The following RPS6KC1 variants were observed in gnomAD, a reference collection of about 807,000 sequenced individuals.
RPS6KC1 encodes ribosomal protein S6 kinase C1, also known as inactive ribosomal protein S6 kinase delta-1.
Under a neutral mutation model 103.8 loss-of-function variants are expected in RPS6KC1, and 54 were observed. That is an observed-to-expected ratio of 0.52 (90% CI 0.42 to 0.65). The LOEUF (loss-of-function observed/expected upper bound fraction) is 0.65, where lower values mean the gene tolerates loss of function less well. Among genes scored for constraint, RPS6KC1 ranks in the 30% least tolerant of loss-of-function variants. The pLI, the probability that RPS6KC1 is intolerant of heterozygous loss-of-function variation, is 0.00. For missense variants in RPS6KC1, 1,151 were observed against 1,253.8 expected, an observed-to-expected ratio of 0.92 and a Z score of 1.24; for synonymous variants, 439 against 438.7, an observed-to-expected ratio of 1.00 and a Z score of -0.01.
the RPS6KC1 span, among the ~76,000 whole-genome samples, chr1:213,796,504 A>G: frequency 6.6e-6 from 1 of 152,168 alleles, no homozygotes; most frequent in Non-Finnish European, 1.5e-5. Context: ...CTCAGTCAGC[A>G]CACAGCCCCA....
At chr1:213,433,645 C>T in the RPS6KC1 span, among the ~76,000 whole-genome samples, 1 of 152,190 alleles carries the variant, frequency 6.6e-6, no homozygotes, top group Non-Finnish European at 1.5e-5. Context: ...ACTTGGTTTT[C>T]TGTGTTTTTG....
At chr1:213,675,107 T>C in the RPS6KC1 span, among the ~76,000 whole-genome samples, 2 of 152,244 alleles carry the variant, frequency 1.3e-5, no homozygotes, top group Non-Finnish European at 2.9e-5. Context: ...ACTCTGTTGA[T>C]AGTTACTTTC....
chr1:213,320,661 C>A, the RPS6KC1 span, among the ~76,000 whole-genome samples: 1 of 152,200 alleles, frequency 6.6e-6, no homozygotes, highest in South Asian at 2.1e-4. Context: ...AAGGGGATTC[C>A]TTTTCTTCTC....
At chr1:213,711,093 T>C in the RPS6KC1 span, among the ~76,000 whole-genome samples, 2 of 152,232 alleles carry the variant, frequency 1.3e-5, no homozygotes, top group African/African-American at 4.8e-5. Context: ...TTCTCCTGGA[T>C]AATATCCCAA....
At chr1:213,750,804 T>C in the RPS6KC1 span, among the ~76,000 whole-genome samples, 1 of 152,190 alleles carries the variant, frequency 6.6e-6, no homozygotes, top group Non-Finnish European at 1.5e-5. Flanking sequence ...GTTCCAGCCC[T>C]CTGCCCCCAA....
the RPS6KC1 span, among the ~76,000 whole-genome samples, chr1:213,711,027 G>A: frequency 6.6e-6 from 1 of 152,196 alleles, no homozygotes; most frequent in South Asian, 2.1e-4. Flanking sequence ...TATCTTTGTG[G>A]TGTTCTCTGT....
chr1:213,240,895 G>C lies in RPS6KC1; in HGVS notation c.1419G>C (p.Lys473Asn), dbSNP rs145337135. The change falls in exon 11 of 15, where the codon AAG (lysine) becomes AAC (asparagine). Residue 473 changes from lysine to asparagine, a missense_variant. Physicochemically the swap from Lys to Asn is moderately conservative, Grantham distance 94. Coordinates refer to ENST00000366960, the MANE Select transcript of RPS6KC1 (RefSeq NM_012424.6). ...GCATGCTTAAAGCTCTGCCTTTGAAGAGTAGTCTTACTCCAAGTTCTCAAG... is the reference window on the plus strand; with the variant it reads ...GCATGCTTAAAGCTCTGCCTTTGAACAGTAGTCTTACTCCAAGTTCTCAAG... ...GGSMLKALPLKSSLTPSSQDD... is the reference protein window; with the variant it reads ...GGSMLKALPLNSSLTPSSQDD... 6.2e-7 allele frequency: 1 copy of C among 1,613,848 alleles called. No homozygotes were observed. The highest frequency in any genetic ancestry group is 8.5e-7 in the Non-Finnish European group (1 of 1,179,886).
intron 8 of RPS6KC1, among the ~76,000 whole-genome samples, chr1:213,178,956 A>T (rs561454873): frequency 3.1e-4 from 47 of 152,040 alleles, no homozygotes; most frequent in Middle Eastern, 3.4e-3. Context: ...CTGACCTCAG[A>T]TGATCCACTC....
the RPS6KC1 span, among the ~76,000 whole-genome samples, chr1:213,378,664 A>G: frequency 2.6e-5 from 4 of 152,224 alleles, no homozygotes; most frequent in Admixed American, 2.6e-4. Flanking sequence ...CATATTTTAT[A>G]TATCCATATT....
chr1:213,114,068 TTAAAG>T (rs1208721094), intron 4 of RPS6KC1, among the ~76,000 whole-genome samples: 5 of 152,040 alleles, frequency 3.3e-5, no homozygotes, highest in African/African-American at 9.7e-5. Flanking sequence ...CATATGAACT[TTAAAG>T]TAGTTTTTTC....
At chr1:213,219,989 C>T (rs1214587503) in intron 8 of RPS6KC1, among the ~76,000 whole-genome samples, 1 of 151,586 alleles carries the variant, frequency 6.6e-6, no homozygotes, top group African/African-American at 2.4e-5. Flanking sequence ...CACATGTACC[C>T]TAAAACTTTA....
the RPS6KC1 span, among the ~76,000 whole-genome samples, chr1:213,389,417 G>T: frequency 6.6e-6 from 1 of 152,240 alleles, no homozygotes; most frequent in African/African-American, 2.4e-5. Flanking sequence ...CCAGCCAAAT[G>T]CTTGGGCGAC....
intron 4 of RPS6KC1, among the ~76,000 whole-genome samples, chr1:213,104,856 C>A (rs534090236): frequency 1.3e-5 from 2 of 151,444 alleles, no homozygotes; most frequent in African/African-American, 4.8e-5. Context: ...TGGGCTCAAG[C>A]CTCCTGTTGC....
In RPS6KC1 at chr1:213,232,203, T is replaced by A; in HGVS notation, c.1173T>A (p.His391Gln). 1 of 1,614,050 alleles carries A rather than the reference T, an allele frequency of 6.2e-7. No individual in the cohort carries two copies. The change falls in exon 10 of 15, where the codon CAT (histidine) becomes CAA (glutamine). Residue 391 changes from histidine (H) to glutamine (Q), a missense_variant. Physicochemically the swap from His to Gln is conservative, Grantham distance 24. Around this residue, in one of 3 missense-constraint regions of RPS6KC1, gnomAD observed 959 missense variants for 1,006.3 expected, o/e 0.95. Coordinates refer to ENST00000366960, the MANE Select transcript of RPS6KC1 (RefSeq NM_012424.6). ...PRCVPNMVCL[H>Q]KYIISEESVF... Reference sequence around the variant, plus strand: ...GTGTGCCCAACATGGTGTGTCTGCATAAGTACATCATCTCTGAGGAGTCAG... The same window carrying A: ...GTGTGCCCAACATGGTGTGTCTGCAAAAGTACATCATCTCTGAGGAGTCAG...
At chr1:213,820,568 T>C in the RPS6KC1 span, 1 of 152,136 alleles carries the variant, frequency 6.6e-6, no homozygotes, top group Non-Finnish European at 1.5e-5. Flanking sequence ...GAAACCTGCA[T>C]TTCACCCAGG....
chr1:213,848,209 CAT>C, the RPS6KC1 span, among the ~76,000 whole-genome samples: 1 of 152,140 alleles, frequency 6.6e-6, no homozygotes, highest in Non-Finnish European at 1.5e-5. Flanking sequence ...TTTTGAGAAA[CAT>C]ATATATTTGT....
At chr1:213,649,329 C>T in the RPS6KC1 span, among the ~76,000 whole-genome samples, 19 of 151,844 alleles carry the variant, frequency 1.3e-4, no homozygotes, top group Admixed American at 5.9e-4. Context: ...CTCCCATTGG[C>T]GGACAATTCC....
At chr1:213,666,620 C>T in the RPS6KC1 span, among the ~76,000 whole-genome samples, 7 of 152,190 alleles carry the variant, frequency 4.6e-5, no homozygotes, top group Non-Finnish European at 7.3e-5. Flanking sequence ...TGTCAAGTTA[C>T]AATGTACTTG....
At chr1:213,760,438 A>C in the RPS6KC1 span, among the ~76,000 whole-genome samples, 1 of 152,152 alleles carries the variant, frequency 6.6e-6, no homozygotes, top group Non-Finnish European at 1.5e-5. Context: ...TGGAGAGAGA[A>C]ACTGGGGGAG....
Sources: allele counts gnomAD v4.1 joint callset (sites outside exome capture counted in the v4.1 genomes callset), GRCh38; gene constraint gnomAD v4.1.1; regional missense constraint gnomAD v4.1.1; transcripts MANE v1.5; gene names NCBI Gene and HGNC (gene_info 2026-07-23, HGNC 2026-07-21).